The following DNAJB13 variants were observed in gnomAD, a reference collection of about 807,000 sequenced individuals.
The protein encoded by DNAJB13 is DnaJ heat shock protein family (Hsp40) member B13, also known as dnaJ homolog subfamily B member 13.
In DNAJB13, 22 loss-of-function variants were observed where a neutral mutation model predicts 35.6. The observed-to-expected ratio is 0.62, with a 90% confidence interval of 0.44 to 0.88. The LOEUF is 0.88. Ranked by LOEUF, DNAJB13 falls within the 40% of genes least tolerant of loss-of-function variation. The pLI, the probability that DNAJB13 is intolerant of heterozygous loss-of-function variation, is 0.00. For missense variants in DNAJB13, 370 were observed against 384.3 expected (o/e 0.96, Z 0.31); for synonymous variants, 136 against 144.2 (o/e 0.94, Z 0.41).
At chr11:73,965,198 G>C (rs1362601385) in intron 4 of DNAJB13, 163 bp downstream of exon 4, 2 of 810,810 alleles carry the variant, frequency 2.5e-6, no homozygotes, top group Non-Finnish European at 1.8e-6. Flanking sequence ...TCTGAAATTC[G>C]GAAGGGACAG....
Position 73,969,581 on chromosome 11 carries a change from T to C in DNAJB13, c.797+259T>C, listed in dbSNP as rs112858040. ...AGAGGCCCCCATTGTTGGGCAACCC[T>C]GTAGCCTCCATGCCCTGCAAACTTC... On this transcript the variant is annotated intron_variant, in intron 7 of 7. Transcript: ENST00000339764. 0.031 allele frequency among the ~76,000 whole-genome samples: 4,707 copies of C among 152,304 alleles called. 249 individuals carry two copies. Among genetic ancestry groups the C allele is most frequent in the African/African-American group, 0.11 (4,500 of 41,534 alleles).
chr11:73,968,452 T>C lies in DNAJB13; in HGVS notation c.714T>C (p.Leu238=), dbSNP rs976575054. ...DNLFFVNPIP[L]GKALTCCTVE... ...TCTTCTTCGTGAACCCCATCCCTCT[T>C]GGCAAGGTGAGTGGGCAAAGTGCAG... is the stretch of plus-strand genomic sequence containing the variant. Residue 238 remains leucine, a synonymous_variant, in exon 6 of 8, where the codon CTT becomes CTC. Transcript: ENST00000339764. 1 of 1,613,436 alleles carries C rather than the reference T, an allele frequency of 6.2e-7. No homozygotes were observed. Among genetic ancestry groups the C allele is most frequent in the Non-Finnish European group, 8.5e-7 (1 of 1,179,524 alleles).
chr11:73,964,604 C>CG, intron 3 of DNAJB13: 15 of 417,364 alleles, frequency 3.6e-5, no homozygotes, highest in South Asian at 5.0e-5. Context: ...GGGGGAATGT[C>CG]CCAAGGGGAG....
At position 73,969,232 on chromosome 11, in the gene DNAJB13, C is replaced by G; in HGVS notation, c.721-14C>G. ...ACCCTCCTCAGCCCCACCTTTGGCC[C>G]TGACCCTCCCTAGGCTCTCACCTGC... On this transcript the variant is annotated splice_polypyrimidine_tract_variant and intron_variant, in intron 6 of 7. Coordinates refer to ENST00000339764, the MANE Select transcript of DNAJB13 (RefSeq NM_153614.4). The G allele has an allele frequency of 1.2e-6, 1 of 854,052 alleles. No homozygotes were observed. The highest frequency in any genetic ancestry group is 2.2e-4 in the Middle Eastern group (1 of 4,548). The allele number at this position is 854,052 out of a possible 1,614,324, so 52.9% of individuals were successfully genotyped here. A position where few individuals can be genotyped will look rare whatever the true frequency, so the allele number is the denominator to read the frequency against.
chr11:73,965,637 T>G (rs987744140), intron 4 of DNAJB13: 1 of 164,234 alleles, frequency 6.1e-6, no homozygotes, highest in Non-Finnish European at 1.3e-5. Flanking sequence ...CATCTGGACA[T>G]GCGACTGGGG....
chr11:73,964,641 T>G, intron 3 of DNAJB13: 8 of 507,784 alleles, frequency 1.6e-5, no homozygotes, highest in East Asian at 7.7e-5. Context: ...TGGCAAAGGA[T>G]GATAATCACT....
At chr11:73,960,747 T>C (rs1386413563) in intron 3 of DNAJB13, among the ~76,000 whole-genome samples, 1 of 152,228 alleles carries the variant, frequency 6.6e-6, no homozygotes. Flanking sequence ...AAGCCTTTTA[T>C]TAAGGAAATA....
chr11:73,955,207 C>T (rs1360231639), intron 1 of DNAJB13, among the ~76,000 whole-genome samples: 1 of 152,092 alleles, frequency 6.6e-6, no homozygotes, highest in Non-Finnish European at 1.5e-5. Context: ...CTTTCTCTCC[C>T]ACTCAGGAAA....
At chr11:73,964,792 TGTGTGTGTGTGTGTGTGTGTGCGC>T in intron 3 of DNAJB13, 62 bp from the exon 4 acceptor site, 1 of 917,184 alleles carries the variant, frequency 1.1e-6, no homozygotes, top group African/African-American at 2.2e-5. Flanking sequence ...TGTGTGTGTG[TGTGTGTGTGTGTGTGTGTGTGCGC>T]GCGCGCGCAT....
rs143277269 is a variant in DNAJB13, at chr11:73,953,404, C to T, written c.68+2267C>T. 1.4e-3 allele frequency among the ~76,000 whole-genome samples: 210 copies of T among 152,260 alleles called. 3 individuals carry two copies. Among genetic ancestry groups the T allele is most frequent in the African/African-American group, 4.8e-3 (201 of 41,548 alleles). ...AAGAGCTTTATTCAGCTGGGAGCAT[C>T]GGCCAGCTACTGCCTTAAAATCCGA... On this transcript the variant is annotated intron_variant, in intron 1 of 7. Transcript: ENST00000339764.
At chr11:73,961,597 G>T (rs773222162) in intron 3 of DNAJB13, among the ~76,000 whole-genome samples, 2 of 152,188 alleles carry the variant, frequency 1.3e-5, no homozygotes, top group African/African-American at 2.4e-5. Flanking sequence ...ACAGAGCCAC[G>T]GAGAGATGCC....
intron 5 of DNAJB13, 101 bp from the exon 6 acceptor site, chr11:73,968,244 C>G (rs1951176901): frequency 4.9e-6 from 5 of 1,018,530 alleles, no homozygotes; most frequent in Non-Finnish European, 7.7e-6. Flanking sequence ...CTCTCATCTC[C>G]CCATTGTACA....
rs538246870 is a variant in DNAJB13 at position 73,953,083 on chromosome 11, G to T, written c.68+1946G>T. The stretch of plus-strand genomic sequence containing the variant: ...TCTACAGAAAATTTAAAAATTAGCT[G>T]GGCATGATGGCACACACCTGTAGTC... On this transcript the variant is annotated intron_variant, in intron 1 of 7. Transcript: ENST00000339764. 9.6e-4 allele frequency among the ~76,000 whole-genome samples: 146 copies of T among 152,248 alleles called. 1 individual carries two copies. The highest frequency in any genetic ancestry group is 3.3e-3 in the African/African-American group (137 of 41,546).
rs1436715805 is a variant in DNAJB13 at position 73,965,044 on chromosome 11, T to G, written c.492+9T>G. ...TTAAGATCTCCAGAAGGGTGAGTAC[T>G]CAGCTTGCTCCTCCCGGGAGCCACC... On this transcript the variant is annotated intron_variant, in intron 4 of 7. Coordinates refer to ENST00000339764, the MANE Select transcript of DNAJB13 (RefSeq NM_153614.4). The G allele has an allele frequency of 1.9e-6, 3 of 1,555,336 alleles. No homozygotes were observed. In the African/African-American group the frequency reaches 4.1e-5, roughly 21 times the overall value.
chr11:73,966,070 T>A, intron 4 of DNAJB13, 68 bp from the exon 5 acceptor site: 1 of 1,426,688 alleles, frequency 7.0e-7, no homozygotes, highest in Non-Finnish European at 9.7e-7. Flanking sequence ...CATGAAAATC[T>A]GAGCAAATCT....
At chr11:73,968,086 C>G (rs772777461) in intron 5 of DNAJB13, 1 of 493,486 alleles carries the variant, frequency 2.0e-6, no homozygotes. Flanking sequence ...TCTGAGGAAG[C>G]CTCTCCGCCC....
At position 73,958,263 on chromosome 11, in the gene DNAJB13, C is replaced by T; in HGVS notation, c.69-54C>T. 2.6e-6 allele frequency: 4 copies of T among 1,567,720 alleles called. No individual in the cohort carries two copies. In the African/African-American group the frequency reaches 4.0e-5, roughly 16 times the overall value. On this transcript the variant is annotated intron_variant, in intron 1 of 7. Transcript: ENST00000339764. ...AGAGTGCCGGCTCTGAACTCTGGTC[C>T]GCCCTCAGAAACAGACCAGCTGATA...
At chr11:73,959,770 T>A in intron 3 of DNAJB13, 115 bp downstream of exon 3, 1 of 1,107,770 alleles carries the variant, frequency 9.0e-7, no homozygotes, top group Non-Finnish European at 1.2e-6. Flanking sequence ...TTTATTTACT[T>A]ATTTTTTTTG....
At chr11:73,951,826 A>G (rs1251587861) in intron 1 of DNAJB13, among the ~76,000 whole-genome samples, 5 of 152,058 alleles carry the variant, frequency 3.3e-5, no homozygotes, top group African/African-American at 1.2e-4. Flanking sequence ...TTGTATTTTT[A>G]GTAGAGATGG....
Sources: gnomAD v4.1 joint callset for allele counts (sites outside exome capture counted in the v4.1 genomes callset) on GRCh38, gnomAD v4.1.1 for gene constraint, MANE v1.5 for transcripts, NCBI Gene and HGNC (gene_info 2026-07-23, HGNC 2026-07-21) for gene names.